Variants in SYF2 observed in about 807,000 individuals in gnomAD.
SYF2 encodes SYF2 pre-mRNA splicing factor.
SYF2 carries 21 observed loss-of-function variants against 32.7 expected under a neutral mutation model. The observed-to-expected ratio is 0.64, with a 90% CI of 0.45 to 0.92. The LOEUF (loss-of-function observed/expected upper bound fraction) is 0.92. SYF2 is among the 40% of genes least tolerant of loss of function. The pLI is 0.00. For synonymous variants in SYF2, 114 were observed against 103.9 expected (o/e 1.10, Z -0.59); for missense variants, 278 against 296.5 (o/e 0.94, Z 0.46).
chr1:25,224,015 G>A (rs1638458238), intron 6 of SYF2, among the ~76,000 whole-genome samples: 1 of 152,002 alleles, frequency 6.6e-6, no homozygotes, highest in Non-Finnish European at 1.5e-5. Context: ...TCAACATGAC[G>A]AAACCCCGTC....
In SYF2 at chr1:25,224,053, G is replaced by C. The variant is rs752818830; in HGVS notation, c.567-622C>G. Among the ~76,000 whole-genome samples the C allele has an allele frequency of 6.2e-4, 94 of 152,156 alleles. 1 individual carries two copies. The highest frequency in any genetic ancestry group is 5.9e-4 in the Admixed American group (9 of 15,262). On this transcript the variant is annotated intron_variant, in intron 6 of 6. Coordinates refer to ENST00000236273, the MANE Select transcript of SYF2 (RefSeq NM_015484.5). ...TACTAAAAATACAAAAATTAGCCAGGAGTGGTGGTACACGCCTGTGGTCCC... is the reference window on the plus strand; with the variant it reads ...TACTAAAAATACAAAAATTAGCCAGCAGTGGTGGTACACGCCTGTGGTCCC...
In SYF2 at chr1:25,232,484, T is replaced by C. The variant is rs925856881; in HGVS notation, c.-17A>G. On this transcript the variant is annotated 5_prime_UTR_variant, in exon 1 of 7. Transcript: ENST00000236273. ...AGCCGCCATCACAACCTTTCTCTCTTCCCACTTCCGGCAACAAGATAGAGC... is the reference window on the plus strand; with the variant it reads ...AGCCGCCATCACAACCTTTCTCTCTCCCCACTTCCGGCAACAAGATAGAGC... 11 of 1,614,008 alleles carry C rather than the reference T, an allele frequency of 6.8e-6. No homozygotes were observed. Among genetic ancestry groups the C allele is most frequent in the Non-Finnish European group, 9.3e-6 (11 of 1,180,004 alleles).
chr1:25,232,446 C>T lies in SYF2; in HGVS notation c.22G>A (p.Glu8Lys). The part of the protein sequence containing the change: MAAIAAS[E>K]VLVDSAEEGS... ...GGTGTACGGTGGGTGGAACTCACCT[C>T]GGATGCAGCTATAGCCGCCATCACA... Residue 8 changes from glutamate (E) to lysine (K), a missense_variant and splice_region_variant, in exon 1 of 7, where the codon GAG becomes AAG. Glu to Lys is a moderately conservative substitution (Grantham distance 56). Coordinates refer to ENST00000236273, the MANE Select transcript of SYF2 (RefSeq NM_015484.5). 1 of 1,614,220 alleles carries T rather than the reference C, an allele frequency of 6.2e-7. No individual in the cohort carries two copies. Among genetic ancestry groups the T allele is most frequent in the Non-Finnish European group, 8.5e-7 (1 of 1,180,044 alleles).
chr1:25,231,919 T>C (rs1022140714), intron 2 of SYF2, 185 bp downstream of exon 2: 26 of 688,012 alleles, frequency 3.8e-5, no homozygotes, highest in Middle Eastern at 2.4e-4. Context: ...AGTTATATTT[T>C]CAAATGTTCT....
intron 2 of SYF2, among the ~76,000 whole-genome samples, chr1:25,229,541 G>A (rs952936593): frequency 5.3e-5 from 8 of 152,168 alleles, no homozygotes; most frequent in Admixed American, 1.3e-4. Flanking sequence ...TTGGGAGGCT[G>A]AGGCAGGTGG....
intron 5 of SYF2, among the ~76,000 whole-genome samples, chr1:25,226,061 T>G (rs1462963711): frequency 6.6e-6 from 1 of 151,052 alleles, no homozygotes; most frequent in Non-Finnish European, 1.5e-5. Context: ...GGCAGAAGAA[T>G]CACTTGAACC....
chr1:25,225,807 G>A (rs1374947617), intron 5 of SYF2, among the ~76,000 whole-genome samples: 62 of 148,786 alleles, frequency 4.2e-4, no homozygotes, highest in African/African-American at 1.4e-3. Flanking sequence ...GCAGTGAGCC[G>A]AGATCACGCC....
At position 25,227,215 on chromosome 1, in the gene SYF2, G is replaced by A. The variant is rs190807917; in HGVS notation, c.467+227C>T. Among the ~76,000 whole-genome samples the A allele has an allele frequency of 4.6e-3, 706 of 152,212 alleles. 2 individuals are homozygous for A. Among genetic ancestry groups the A allele is most frequent in the African/African-American group, 0.016 (663 of 41,526 alleles). Reference sequence around the variant, plus strand: ...GAAGAATTGCTTGAACCCAGGTGGCGGAGGTTGCAGTGAGCTGAGACCGCA... The same window carrying A: ...GAAGAATTGCTTGAACCCAGGTGGCAGAGGTTGCAGTGAGCTGAGACCGCA... On this transcript the variant is annotated intron_variant, in intron 5 of 6. Transcript: ENST00000236273.
chr1:25,229,243 A>C, intron 2 of SYF2, 120 bp from the exon 3 acceptor site: 7 of 1,201,038 alleles, frequency 5.8e-6, no homozygotes, highest in Non-Finnish European at 6.9e-6. Context: ...TTTTATCCTA[A>C]AAGCAATAGA....
chr1:25,231,955 G>C, intron 2 of SYF2, 149 bp downstream of exon 2: 1 of 791,722 alleles, frequency 1.3e-6, no homozygotes, highest in South Asian at 1.5e-5. Flanking sequence ...GTGCTGCCAG[G>C]GTTGAGTACC....
chr1:25,228,995 A>G lies in SYF2; in HGVS notation c.258+3T>C. 2 of 1,611,388 alleles carry G rather than the reference A, an allele frequency of 1.2e-6. No individual in the cohort carries two copies. The highest frequency in any genetic ancestry group is 2.2e-5 in the South Asian group (2 of 90,364). On this transcript the variant is annotated splice_donor_region_variant and intron_variant, in intron 3 of 6. Transcript: ENST00000236273. ...CACTTATGAAGATAGAATAGTTCCTAACCTTTTTCTTTTCCTCTTCCTTTA... is the reference window on the plus strand; with the variant it reads ...CACTTATGAAGATAGAATAGTTCCTGACCTTTTTCTTTTCCTCTTCCTTTA...
intron 2 of SYF2, chr1:25,230,515 T>G (rs1299383776): frequency 1.3e-5 from 2 of 152,150 alleles, no homozygotes; most frequent in Admixed American, 6.6e-5. Flanking sequence ...TCTTTTTAAT[T>G]GTTTATTAGA....
chr1:25,223,436 G>T lies in SYF2; in HGVS notation c.567-5C>A. 6.3e-7 allele frequency: 1 copy of T among 1,593,434 alleles called. No homozygotes were observed. Among genetic ancestry groups the T allele is most frequent in the Non-Finnish European group, 8.5e-7 (1 of 1,172,242 alleles). On this transcript the variant is annotated splice_region_variant and splice_polypyrimidine_tract_variant and intron_variant, in intron 6 of 6. Transcript: ENST00000236273. ...TATTTGTCTCGTTTTTCAATCCTGG[G>T]GAAAGAAGAAAATTTACAAAATTCA...
intron 2 of SYF2, chr1:25,230,465 C>CTCTA (rs1638603865): frequency 6.6e-6 from 1 of 152,210 alleles, no homozygotes; most frequent in East Asian, 1.9e-4. Context: ...AATTTCCAGA[C>CTCTA]ATGTGTTCCT....
intron 2 of SYF2, 91 bp from the exon 3 acceptor site, chr1:25,229,214 T>C (rs1397960481): frequency 1.4e-6 from 2 of 1,468,168 alleles, no homozygotes; most frequent in East Asian, 2.3e-5. Flanking sequence ...AGGCAGGACA[T>C]ATTAATAAGC....
intron 3 of SYF2, 74 bp downstream of exon 3, chr1:25,228,924 A>C: frequency 6.5e-7 from 1 of 1,547,756 alleles, no homozygotes; most frequent in East Asian, 2.3e-5. Context: ...AGTGTATACA[A>C]CCACCATGTT....
intron 2 of SYF2, chr1:25,231,743 C>G (rs1638634572): frequency 3.8e-6 from 1 of 263,808 alleles, no homozygotes; most frequent in Non-Finnish European, 7.4e-6. Flanking sequence ...AGGTCTCTTA[C>G]TGACACTAGA....
chr1:25,231,607 T>C (rs1280510481), intron 2 of SYF2: 1 of 172,964 alleles, frequency 5.8e-6, no homozygotes, highest in East Asian at 1.7e-4. Context: ...CTGTAGACTT[T>C]CAAAAGTTTG....
In SYF2 at chr1:25,229,131, C is replaced by A; in HGVS notation, c.133-8G>T. On this transcript the variant is annotated splice_region_variant and splice_polypyrimidine_tract_variant and intron_variant, in intron 2 of 6. Coordinates refer to ENST00000236273, the MANE Select transcript of SYF2 (RefSeq NM_015484.5). ...TAATTTACGAGCTTCATTCTAAAAC[C>A]GTAACACAAGAAGTCTGTCAGCTAA... 1 of 1,608,582 alleles carries A rather than the reference C, an allele frequency of 6.2e-7. No homozygotes were observed. Among genetic ancestry groups the A allele is most frequent in the South Asian group, 1.1e-5 (1 of 89,722 alleles).
Sources: gnomAD v4.1 joint callset for allele counts (sites outside exome capture counted in the v4.1 genomes callset) on GRCh38, gnomAD v4.1.1 for gene constraint, MANE v1.5 for transcripts, NCBI Gene and HGNC (gene_info 2026-07-23, HGNC 2026-07-21) for gene names.